SLC24A2: variants seen among roughly 807,000 people sequenced by gnomAD.
SLC24A2 encodes the protein solute carrier family 24 member 2.
SLC24A2 carries 36 observed loss-of-function variants against 62.0 expected under a neutral mutation model. That is an observed-to-expected ratio of 0.58 (90% CI 0.44 to 0.77). The LOEUF (loss-of-function observed/expected upper bound fraction) is 0.77, where lower values mean the gene tolerates loss of function less well. Ranked by LOEUF, SLC24A2 falls within the 30% of genes least tolerant of loss-of-function variation. SLC24A2 has a pLI of 0.00. For synonymous variants in SLC24A2, 358 were observed against 294.0 expected (o/e 1.22, Z -2.23); for missense variants, 846 against 817.9 (o/e 1.03, Z -0.42).
At chr9:19,820,921 C>T in the SLC24A2 span, among the ~76,000 whole-genome samples, 4 of 152,070 alleles carry the variant, frequency 2.6e-5, no homozygotes, top group African/African-American at 9.7e-5. Flanking sequence ...ACATTTTAGA[C>T]CCCAGCATCA....
chr9:20,149,996 G>A, the SLC24A2 span, among the ~76,000 whole-genome samples: 1 of 151,972 alleles, frequency 6.6e-6, no homozygotes, highest in African/African-American at 2.4e-5. Context: ...CACCCTTATA[G>A]TCACTGTGGC....
At chr9:19,970,914 T>C in the SLC24A2 span, among the ~76,000 whole-genome samples, 6 of 152,308 alleles carry the variant, frequency 3.9e-5, no homozygotes, top group South Asian at 1.2e-3. Flanking sequence ...AAATATAAGA[T>C]AATGGAAGGT....
the SLC24A2 span, among the ~76,000 whole-genome samples, chr9:19,889,199 G>T: frequency 6.6e-6 from 1 of 152,110 alleles, no homozygotes; most frequent in Admixed American, 6.5e-5. Context: ...ATTTACACTG[G>T]GAAGGATATT....
intron 2 of SLC24A2, among the ~76,000 whole-genome samples, chr9:19,765,289 C>T (rs562524018): frequency 2.0e-5 from 3 of 151,474 alleles, no homozygotes; most frequent in East Asian, 1.9e-4. Context: ...GAATTTAGCC[C>T]GTTTACATTT....
chr9:19,949,315 T>C, the SLC24A2 span, among the ~76,000 whole-genome samples: 1 of 152,146 alleles, frequency 6.6e-6, no homozygotes, highest in Non-Finnish European at 1.5e-5. Context: ...TTTAATCCAA[T>C]CTTTGGAGGA....
chr9:19,645,365 G>A (rs1165072952), intron 2 of SLC24A2, among the ~76,000 whole-genome samples: 1 of 152,148 alleles, frequency 6.6e-6, no homozygotes, highest in Non-Finnish European at 1.5e-5. Flanking sequence ...TCTGCATATA[G>A]TATGCTGCAT....
the SLC24A2 span, among the ~76,000 whole-genome samples, chr9:20,065,826 C>T: frequency 6.6e-6 from 1 of 152,110 alleles, no homozygotes; most frequent in Admixed American, 6.6e-5. Flanking sequence ...AGTTTAAAAA[C>T]ATGTTCAGCC....
the SLC24A2 span, among the ~76,000 whole-genome samples, chr9:20,012,137 A>G: frequency 6.6e-6 from 1 of 152,202 alleles, no homozygotes; most frequent in Non-Finnish European, 1.5e-5. Context: ...GACAAGGCAG[A>G]GATACCCACT....
chr9:19,584,288 AAAAAAC>A (rs1422439421), intron 5 of SLC24A2, among the ~76,000 whole-genome samples: 4 of 150,456 alleles, frequency 2.7e-5, no homozygotes, highest in South Asian at 2.1e-4. Flanking sequence ...AAAAAAAAAA[AAAAAAC>A]AAACAAAAAA....
intron 8 of SLC24A2, among the ~76,000 whole-genome samples, chr9:19,536,234 G>T (rs957693067): frequency 6.1e-5 from 9 of 147,728 alleles, no homozygotes; most frequent in Non-Finnish European, 1.2e-4. Flanking sequence ...AAGTTTTAGG[G>T]TACATGTGCA....
chr9:19,903,485 G>C, the SLC24A2 span, among the ~76,000 whole-genome samples: 1 of 152,114 alleles, frequency 6.6e-6, no homozygotes, highest in African/African-American at 2.4e-5. Flanking sequence ...TATTAATTCT[G>C]GGAAAACACA....
At chr9:19,727,192 C>A (rs72687716) in intron 2 of SLC24A2, among the ~76,000 whole-genome samples, 11,158 of 152,148 alleles carry the variant, frequency 0.073, 450 homozygotes, top group South Asian at 0.086. Context: ...AATGCTATGG[C>A]CTCAGTTTAA....
At chr9:20,219,400 T>A in the SLC24A2 span, among the ~76,000 whole-genome samples, 205 of 152,292 alleles carry the variant, frequency 1.3e-3, no homozygotes, top group Admixed American at 2.6e-3. Context: ...GAGTGAGACC[T>A]TCTGAGTAAA....
At position 19,516,051 on chromosome 9, in the gene SLC24A2, A is replaced by T; in HGVS notation, c.*102T>A. 1 of 1,441,966 alleles carries T rather than the reference A, an allele frequency of 6.9e-7. No individual in the cohort carries two copies. The highest frequency in any genetic ancestry group is 9.8e-7 in the Non-Finnish European group (1 of 1,025,042). 89.3% of individuals were successfully genotyped at this position (1,441,966 alleles called of 1,614,324 possible). On this transcript the variant is annotated 3_prime_UTR_variant, in exon 11 of 11. Transcript: ENST00000341998. Reference sequence around the variant, plus strand: ...CACCAAGGAGGGACACTTGGCACCCAGGGCTGTGTGCCAGCTGCCTCTTCT... The same window carrying T: ...CACCAAGGAGGGACACTTGGCACCCTGGGCTGTGTGCCAGCTGCCTCTTCT...
intron 8 of SLC24A2, among the ~76,000 whole-genome samples, chr9:19,534,553 C>G (rs995095904): frequency 1.4e-4 from 21 of 151,920 alleles, no homozygotes; most frequent in African/African-American, 4.8e-4. Flanking sequence ...ATCCCCTCCC[C>G]GGGTCCATGT....
the SLC24A2 span, among the ~76,000 whole-genome samples, chr9:20,108,562 G>A: frequency 2.0e-5 from 3 of 152,244 alleles, no homozygotes; most frequent in Non-Finnish European, 2.9e-5. Context: ...CATGGATGAA[G>A]TTGGAAATCA....
chr9:20,027,555 A>T, the SLC24A2 span, among the ~76,000 whole-genome samples: 1 of 152,200 alleles, frequency 6.6e-6, no homozygotes, highest in Non-Finnish European at 1.5e-5. Flanking sequence ...AAATCCAGAA[A>T]GATAAATACT....
At position 19,661,328 on chromosome 9, in the gene SLC24A2, T is replaced by C. The variant is rs114738111; in HGVS notation, c.931-39029A>G. ...CTCTAATGACCAGTCCTTAACCACA[T>C]TGTTGTTGTAGAGTATGAATCCCTA... is the stretch of plus-strand genomic sequence containing the variant. On this transcript the variant is annotated intron_variant, in intron 2 of 10. Transcript: ENST00000341998. Among the ~76,000 whole-genome samples the C allele has an allele frequency of 6.4e-3, 974 of 152,226 alleles. 22 individuals carry two copies. The highest frequency in any genetic ancestry group is 0.022 in the African/African-American group (915 of 41,540).
the SLC24A2 span, among the ~76,000 whole-genome samples, chr9:19,943,893 G>GAA: frequency 2.6e-5 from 4 of 152,188 alleles, no homozygotes; most frequent in African/African-American, 9.7e-5. Flanking sequence ...GTTGGGAATA[G>GAA]AAAAATGATT....
Sources: allele counts gnomAD v4.1 joint callset (sites outside exome capture counted in the v4.1 genomes callset), GRCh38; gene constraint gnomAD v4.1.1; transcripts MANE v1.5; gene names NCBI Gene and HGNC (gene_info 2026-07-23, HGNC 2026-07-21).